The following CDC42EP3 variants were observed in gnomAD, a reference collection of about 807,000 sequenced individuals.
The protein encoded by CDC42EP3 is CDC42 effector protein 3, also known as CDC42 effector protein (Rho GTPase binding) 3.
A neutral mutation model predicts 15.5 loss-of-function variants in CDC42EP3; 4 were observed. The observed-to-expected ratio is 0.26, with a 90% CI of 0.13 to 0.59. The LOEUF (loss-of-function observed/expected upper bound fraction) is 0.59, where lower values mean the gene tolerates loss of function less well. Ranked by LOEUF, CDC42EP3 falls within the 20% of genes least tolerant of loss-of-function variation. CDC42EP3 has a pLI of 0.89. For synonymous variants in CDC42EP3, 145 were observed against 130.3 expected, an observed-to-expected ratio of 1.11 and a Z score of -0.77; for missense variants, 309 against 311.2, an observed-to-expected ratio of 0.99 and a Z score of 0.05.
At chr2:37,658,253 T>G (rs1473871000) in intron 1 of CDC42EP3, among the ~76,000 whole-genome samples, 1 of 152,126 alleles carries the variant, frequency 6.6e-6, no homozygotes, top group African/African-American at 2.4e-5. Flanking sequence ...AGAACAGAAG[T>G]TGGAAGCAAG....
At chr2:37,651,366 G>A (rs1660563764) in intron 1 of CDC42EP3, among the ~76,000 whole-genome samples, 1 of 152,128 alleles carries the variant, frequency 6.6e-6, no homozygotes. Context: ...TGTATGCAGG[G>A]CTCAGATTAG....
At chr2:37,650,119 A>C (rs890348466) in intron 1 of CDC42EP3, among the ~76,000 whole-genome samples, 1 of 152,196 alleles carries the variant, frequency 6.6e-6, no homozygotes, top group Non-Finnish European at 1.5e-5. Flanking sequence ...CTGCTGGGAA[A>C]GTATCTGGCA....
At chr2:37,659,478 T>G (rs1665986210) in intron 1 of CDC42EP3, among the ~76,000 whole-genome samples, 1 of 152,184 alleles carries the variant, frequency 6.6e-6, no homozygotes, top group Non-Finnish European at 1.5e-5. Context: ...CTTTGGCAAA[T>G]ATACAGATAA....
At chr2:37,647,026 C>G (rs1204784384) in intron 1 of CDC42EP3, among the ~76,000 whole-genome samples, 1 of 152,226 alleles carries the variant, frequency 6.6e-6, no homozygotes, top group Non-Finnish European at 1.5e-5. Flanking sequence ...ATCTATGACA[C>G]CAGTACTTTT....
intron 1 of CDC42EP3, among the ~76,000 whole-genome samples, chr2:37,667,713 T>C (rs1355543680): frequency 6.6e-6 from 1 of 152,192 alleles, no homozygotes; most frequent in African/African-American, 2.4e-5. Context: ...TCTTCAACTG[T>C]GAGATACAGG....
In CDC42EP3 at chr2:37,645,059, T is replaced by G. The variant is rs533565171; in HGVS notation, c.*764A>C. ...AAAAAAAAACTAAGTATGAATACAC[T>G]TTTCCAAACACGCACATACACAGCT... On this transcript the variant is annotated 3_prime_UTR_variant, in exon 2 of 2. Transcript: ENST00000295324. 1 of 152,350 alleles carries G rather than the reference T, an allele frequency of 6.6e-6. No homozygotes were observed. Among genetic ancestry groups the G allele is most frequent in the South Asian group, 2.1e-4 (1 of 4,824 alleles). The allele number at this position is 152,350 out of a possible 1,614,324, so 9.4% of individuals were successfully genotyped here. A position where few individuals can be genotyped will look rare whatever the true frequency, so the allele number is the denominator to read the frequency against.
intron 1 of CDC42EP3, among the ~76,000 whole-genome samples, chr2:37,651,045 C>A (rs1185067067): frequency 1.3e-5 from 2 of 152,032 alleles, no homozygotes; most frequent in Non-Finnish European, 2.9e-5. Context: ...CGTATCCTTC[C>A]AAATAAATAC....
At chr2:37,655,164 C>G (rs974578047) in intron 1 of CDC42EP3, among the ~76,000 whole-genome samples, 3 of 152,194 alleles carry the variant, frequency 2.0e-5, no homozygotes, top group Non-Finnish European at 4.4e-5. Flanking sequence ...TTAGCTGGCT[C>G]CCCAGCTGCT....
At chr2:37,665,562 A>G (rs1279439282) in intron 1 of CDC42EP3, among the ~76,000 whole-genome samples, 2 of 152,242 alleles carry the variant, frequency 1.3e-5, no homozygotes, top group African/African-American at 4.8e-5. Flanking sequence ...TAAAAAATGT[A>G]TGTAGCCTAA....
At position 37,643,302 on chromosome 2, in the gene CDC42EP3, G is replaced by A. The variant is rs1665328446; in HGVS notation, c.*2521C>T. On this transcript the variant is annotated 3_prime_UTR_variant, in exon 2 of 2. Transcript: ENST00000295324. Reference sequence around the variant, plus strand: ...CCACCAGCAGTCCACCTGCTCTCAGGGGAAGGGACCAGGCATTGGAAAGGC... The same window carrying A: ...CCACCAGCAGTCCACCTGCTCTCAGAGGAAGGGACCAGGCATTGGAAAGGC... The A allele has an allele frequency of 6.6e-6, 1 of 152,184 alleles. No homozygotes were observed. Among genetic ancestry groups the A allele is most frequent in the South Asian group, 2.1e-4 (1 of 4,826 alleles). 9.4% of individuals were successfully genotyped at this position (152,184 alleles called of 1,614,324 possible).
intron 1 of CDC42EP3, among the ~76,000 whole-genome samples, chr2:37,659,811 A>G (rs1572519411): frequency 2.0e-5 from 3 of 152,332 alleles, no homozygotes; most frequent in Admixed American, 1.3e-4. Flanking sequence ...TGGAAGATCA[A>G]TGTGTGACTG....
chr2:37,660,201 A>G (rs1339051809), intron 1 of CDC42EP3, among the ~76,000 whole-genome samples: 2 of 152,144 alleles, frequency 1.3e-5, no homozygotes, highest in Non-Finnish European at 2.9e-5. Flanking sequence ...AAACACTTCT[A>G]TTTTCTCCTT....
At chr2:37,656,113 G>A (rs888958225) in intron 1 of CDC42EP3, among the ~76,000 whole-genome samples, 8 of 152,310 alleles carry the variant, frequency 5.3e-5, no homozygotes, top group African/African-American at 1.9e-4. Context: ...CCCTGCTAGG[G>A]CTGTCTACAA....
rs1273642456 is a variant in CDC42EP3, at chr2:37,643,580, A to G, written c.*2243T>C. On this transcript the variant is annotated 3_prime_UTR_variant, in exon 2 of 2. Transcript: ENST00000295324. The stretch of plus-strand genomic sequence containing the variant: ...TACTTACCAGAGAGGGAGTAGAGCT[A>G]ATGCACAGCCATACTCCTCCCCTTT... The G allele has an allele frequency of 1.3e-5, 2 of 152,224 alleles. No individual in the cohort carries two copies. Among genetic ancestry groups the G allele is most frequent in the Admixed American group, 1.3e-4 (2 of 15,286 alleles). 9.4% of individuals were successfully genotyped at this position (152,224 alleles called of 1,614,324 possible).
At chr2:37,667,629 C>T (rs1428343535) in intron 1 of CDC42EP3, among the ~76,000 whole-genome samples, 1 of 152,182 alleles carries the variant, frequency 6.6e-6, no homozygotes, top group East Asian at 1.9e-4. Context: ...TTTCATGCCA[C>T]ATATGTGGGA....
rs964287871 is a variant in CDC42EP3, at chr2:37,658,760, C to G, written c.-235-11938G>C. ...TCTGGACTGTCTCTCCTCATTCATC[C>G]CTGCTCCATCAGCCTTACTCCTGGC... On this transcript the variant is annotated intron_variant, in intron 1 of 1. Transcript: ENST00000295324. Among the ~76,000 whole-genome samples the G allele has an allele frequency of 2.0e-5, 3 of 152,278 alleles. No individual in the cohort carries two copies. The Middle Eastern group carries it at 0.01, about 518-fold the overall frequency.
At chr2:37,655,943 C>A (rs1665834151) in intron 1 of CDC42EP3, among the ~76,000 whole-genome samples, 1 of 152,194 alleles carries the variant, frequency 6.6e-6, no homozygotes. Context: ...TTCAAATGAT[C>A]CCAAATAATA....
chr2:37,653,096 C>T (rs1305394642), intron 1 of CDC42EP3, among the ~76,000 whole-genome samples: 4 of 152,170 alleles, frequency 2.6e-5, no homozygotes, highest in Non-Finnish European at 4.4e-5. Context: ...TAACATTCAT[C>T]TCAGAAGTTA....
At chr2:37,665,265 T>C (rs1332080705) in intron 1 of CDC42EP3, among the ~76,000 whole-genome samples, 1 of 152,042 alleles carries the variant, frequency 6.6e-6, no homozygotes, top group Non-Finnish European at 1.5e-5. Context: ...CTGGGGAACA[T>C]CCACACACTT....
Sources: allele counts gnomAD v4.1 joint callset (sites outside exome capture counted in the v4.1 genomes callset), GRCh38; gene constraint gnomAD v4.1.1; transcripts MANE v1.5; gene names NCBI Gene and HGNC (gene_info 2026-07-23, HGNC 2026-07-21).